GRID1: variants seen among roughly 807,000 people sequenced by gnomAD.
GRID1 encodes glutamate receptor ionotropic, delta-1.
A neutral mutation model predicts 98.0 loss-of-function variants in GRID1; 28 were observed. The ratio of observed to expected loss-of-function variants is 0.29; its 90% CI spans 0.21 to 0.39. The LOEUF is 0.39. Ranked by LOEUF, GRID1 falls within the 10% of genes least tolerant of loss-of-function variation. The probability of loss-of-function intolerance (pLI) is 1.00; values close to 1 mark genes in which losing one functional copy is unlikely to be tolerated. For missense variants in GRID1, 1,111 were observed against 1,340.5 expected (o/e 0.83, Z 2.67); for synonymous variants, 553 against 538.5 (o/e 1.03, Z -0.37).
chr10:86,132,242 G>C (rs1394578954), intron 4 of GRID1, among the ~76,000 whole-genome samples: 1 of 152,158 alleles, frequency 6.6e-6, no homozygotes, highest in Non-Finnish European at 1.5e-5. Flanking sequence ...GAGGAGGAAA[G>C]GGACAGAGCC....
intron 4 of GRID1, among the ~76,000 whole-genome samples, chr10:85,976,238 C>A (rs1212662608): frequency 6.6e-6 from 1 of 152,172 alleles, no homozygotes; most frequent in Non-Finnish European, 1.5e-5. Flanking sequence ...AAACTGTGAT[C>A]ATTTCCTGTA....
chr10:86,027,203 T>G (rs1008549309), intron 4 of GRID1, among the ~76,000 whole-genome samples: 5 of 152,196 alleles, frequency 3.3e-5, no homozygotes, highest in African/African-American at 9.7e-5. Flanking sequence ...TCTGGAATAT[T>G]TTTATCACCC....
chr10:86,266,675 A>T (rs900631875), intron 2 of GRID1, among the ~76,000 whole-genome samples: 3 of 152,218 alleles, frequency 2.0e-5, no homozygotes, highest in African/African-American at 4.8e-5. Flanking sequence ...GAGATAAGAA[A>T]AGGCCCACTG....
chr10:86,027,644 A>G (rs968402004), intron 4 of GRID1, among the ~76,000 whole-genome samples: 2 of 152,166 alleles, frequency 1.3e-5, no homozygotes, highest in Non-Finnish European at 2.9e-5. Flanking sequence ...TATCCTGCTT[A>G]GGGAGTCTGC....
At chr10:86,312,368 G>A (rs1399593948) in intron 2 of GRID1, among the ~76,000 whole-genome samples, 1 of 152,228 alleles carries the variant, frequency 6.6e-6, no homozygotes, top group Non-Finnish European at 1.5e-5. Flanking sequence ...AATGACAAGA[G>A]CACTCACCCA....
At chr10:86,335,423 T>C (rs2132105703) in intron 2 of GRID1, among the ~76,000 whole-genome samples, 1 of 152,382 alleles carries the variant, frequency 6.6e-6, no homozygotes, top group Non-Finnish European at 1.5e-5. Flanking sequence ...GTTAATGGGC[T>C]TCTTTACTGC....
Position 85,916,067 on chromosome 10 carries a change from G to T in GRID1, c.780+119C>A. The T allele has an allele frequency of 2.6e-6, 2 of 780,722 alleles. No individual in the cohort carries two copies. The highest frequency in any genetic ancestry group is 2.2e-6 in the Non-Finnish European group (1 of 460,896). 48.4% of individuals were successfully genotyped at this position (780,722 alleles called of 1,614,324 possible). ...TGAGTTTTTGCCTGGGCTAGGTGGA[G>T]CCCCAGGATTCACAACAGCCCCCTA... On this transcript the variant is annotated intron_variant, in intron 5 of 15. Coordinates refer to ENST00000327946, the MANE Select transcript of GRID1 (RefSeq NM_017551.3). This position sits in a 1 kb window ranked among gnomAD's most constrained non-coding sequence, Gnocchi z 4.0.
At position 86,070,137 on chromosome 10, in the gene GRID1, C is replaced by A. The variant is rs181215019; in HGVS notation, c.726+68682G>T. Among the ~76,000 whole-genome samples, 605 of 152,336 alleles carry A rather than the reference C, an allele frequency of 4.0e-3. 1 individual carries two copies. Among genetic ancestry groups the A allele is most frequent in the Non-Finnish European group, 5.7e-3 (385 of 68,030 alleles). On this transcript the variant is annotated intron_variant, in intron 4 of 15. Transcript: ENST00000327946. Reference sequence around the variant, plus strand: ...GAAAGCCGATAATTTATGCTTCCTGCATCTCATGCTTACCTCCCCATTGGC... The same window carrying A: ...GAAAGCCGATAATTTATGCTTCCTGAATCTCATGCTTACCTCCCCATTGGC...
chr10:85,756,919 T>A (rs1451506015), intron 8 of GRID1, among the ~76,000 whole-genome samples: 1 of 152,184 alleles, frequency 6.6e-6, no homozygotes, highest in African/African-American at 2.4e-5. Context: ...CATTACTGAT[T>A]CCCTGTACAA....
At chr10:85,901,181 C>G (rs1170820011) in intron 5 of GRID1, among the ~76,000 whole-genome samples, 1 of 152,052 alleles carries the variant, frequency 6.6e-6, no homozygotes, top group African/African-American at 2.4e-5. Flanking sequence ...TCACTTGTTA[C>G]AAAGAAGAGC....
chr10:85,990,998 G>A (rs965403999), intron 4 of GRID1, among the ~76,000 whole-genome samples: 5 of 152,106 alleles, frequency 3.3e-5, no homozygotes, highest in African/African-American at 9.7e-5. Flanking sequence ...CAAGGCATGG[G>A]TAACCTTTGT....
intron 8 of GRID1, among the ~76,000 whole-genome samples, chr10:85,798,526 G>C (rs1341831726): frequency 6.6e-6 from 1 of 152,022 alleles, no homozygotes; most frequent in Non-Finnish European, 1.5e-5. Context: ...ATCCTCACCA[G>C]CATTTGTTAT....
chr10:85,840,621 T>A (rs889558064), intron 8 of GRID1, among the ~76,000 whole-genome samples: 1 of 152,208 alleles, frequency 6.6e-6, no homozygotes, highest in East Asian at 1.9e-4. Context: ...CTTAAACTGA[T>A]AAAGAACTTC....
At chr10:85,624,264 C>T (rs1842886511) in intron 13 of GRID1, among the ~76,000 whole-genome samples, 1 of 152,240 alleles carries the variant, frequency 6.6e-6, no homozygotes, top group Non-Finnish European at 1.5e-5. Context: ...TTTCACCTTT[C>T]AATGGGTTAA....
At chr10:85,770,724 A>C (rs1010852021) in intron 8 of GRID1, among the ~76,000 whole-genome samples, 1 of 152,246 alleles carries the variant, frequency 6.6e-6, no homozygotes, top group Non-Finnish European at 1.5e-5. Context: ...AAAGGGTATC[A>C]GTGATGGAAG....
intron 12 of GRID1, among the ~76,000 whole-genome samples, chr10:85,712,323 T>C (rs1317574022): frequency 6.6e-6 from 1 of 151,820 alleles, no homozygotes; most frequent in African/African-American, 2.4e-5. Context: ...AGATATTCCA[T>C]GCAAGTGGTG....
chr10:86,135,430 GC>G (rs1446515268), intron 4 of GRID1, among the ~76,000 whole-genome samples: 1 of 152,162 alleles, frequency 6.6e-6, no homozygotes, highest in Non-Finnish European at 1.5e-5. Context: ...GTGCCCCCAG[GC>G]CTGGGATCCG....
intron 2 of GRID1, among the ~76,000 whole-genome samples, chr10:86,327,887 T>C (rs1428812147): frequency 6.6e-6 from 1 of 152,246 alleles, no homozygotes; most frequent in Non-Finnish European, 1.5e-5. Flanking sequence ...TAAATGTGCA[T>C]GTTATTCAGA....
chr10:86,051,837 G>A (rs1164318224), intron 4 of GRID1, among the ~76,000 whole-genome samples: 2 of 152,188 alleles, frequency 1.3e-5, no homozygotes, highest in Non-Finnish European at 2.9e-5. Context: ...CATTGCTGGT[G>A]GGAATATAAA....
Sources: allele counts gnomAD v4.1 joint callset (sites outside exome capture counted in the v4.1 genomes callset), GRCh38; gene constraint gnomAD v4.1.1; non-coding constraint Gnocchi (gnomAD v3.1); transcripts MANE v1.5; gene names NCBI Gene and HGNC (gene_info 2026-07-23, HGNC 2026-07-21).